GLB1: variants seen among roughly 807,000 people sequenced by gnomAD.
The protein encoded by GLB1 is beta-galactosidase.
GLB1 carries 56 observed loss-of-function variants against 74.0 expected under a neutral mutation model. That is an observed-to-expected ratio of 0.76 (90% CI 0.61 to 0.94). The LOEUF (loss-of-function observed/expected upper bound fraction) is 0.94. Among genes scored for constraint, GLB1 ranks in the 40% least tolerant of loss-of-function variants. The pLI is 0.00. For synonymous variants in GLB1, 323 were observed against 323.6 expected (o/e 1.00, Z 0.02); for missense variants, 787 against 845.5 (o/e 0.93, Z 0.86).
chr3:32,997,595 T>C (rs1354852191), intron 15 of GLB1, among the ~76,000 whole-genome samples: 1 of 152,080 alleles, frequency 6.6e-6, no homozygotes, highest in Non-Finnish European at 1.5e-5. Flanking sequence ...AAAGACCCAC[T>C]CCTGCTTCAG....
At chr3:33,015,312 C>T (rs1342715478) in intron 14 of GLB1, among the ~76,000 whole-genome samples, 2 of 152,192 alleles carry the variant, frequency 1.3e-5, no homozygotes, top group Non-Finnish European at 2.9e-5. Context: ...CCGAGTCACT[C>T]ACCTGTTATG....
intron 1 of GLB1, among the ~76,000 whole-genome samples, chr3:33,085,274 CAAAA>C (rs772490092): frequency 1.3e-5 from 1 of 74,126 alleles, no homozygotes; most frequent in Non-Finnish European, 2.7e-5. Context: ...GAGTCTGTTT[CAAAA>C]AAAAAAAAAA....
chr3:33,091,242 T>C (rs946967455), intron 1 of GLB1: 6 of 985,368 alleles, frequency 6.1e-6, no homozygotes, highest in Non-Finnish European at 7.2e-6. Flanking sequence ...TTAAACTGCA[T>C]GGTATGGCCC....
Position 33,096,746 on chromosome 3 carries a change from G to C in GLB1, c.75+265C>G. On this transcript the variant is annotated intron_variant, in intron 1 of 15. Transcript: ENST00000307363. Reference sequence around the variant, plus strand: ...CGTCTCAACACCTCGTTACAGATGGGGAAGTGGATCCAAGCGCAAAGGGCG... The same window carrying C: ...CGTCTCAACACCTCGTTACAGATGGCGAAGTGGATCCAAGCGCAAAGGGCG... The C allele has an allele frequency of 3.8e-6, 5 of 1,305,370 alleles. No individual in the cohort carries two copies. In the South Asian group the frequency reaches 1.0e-4, roughly 26 times the overall value. The allele number at this position is 1,305,370 out of a possible 1,614,324, so 80.9% of individuals were successfully genotyped here. A position where few individuals can be genotyped will look rare whatever the true frequency, so the allele number is the denominator to read the frequency against.
chr3:32,984,748 C>T, the GLB1 span, among the ~76,000 whole-genome samples: 21 of 152,116 alleles, frequency 1.4e-4, no homozygotes, highest in East Asian at 3.5e-3. Flanking sequence ...ACAGTGAAAT[C>T]CTGGCTAACA....
the GLB1 span, among the ~76,000 whole-genome samples, chr3:32,968,505 A>G: frequency 7.2e-5 from 11 of 152,210 alleles, no homozygotes; most frequent in Non-Finnish European, 1.6e-4. Flanking sequence ...ATAAGCCAAG[A>G]GAAAAGATGG....
At chr3:33,096,455 G>A in intron 1 of GLB1, 1 of 983,994 alleles carries the variant, frequency 1.0e-6, no homozygotes, top group South Asian at 4.7e-5. Context: ...CAAATACAAA[G>A]AAAAACCCAA....
chr3:33,092,479 C>G, intron 1 of GLB1: 1 of 1,040,302 alleles, frequency 9.6e-7, no homozygotes, highest in Non-Finnish European at 1.2e-6. Flanking sequence ...CCCCGCCCCA[C>G]CTTCTAGAGG....
chr3:32,983,618 C>T, the GLB1 span, among the ~76,000 whole-genome samples: 43,274 of 151,980 alleles, frequency 0.28, 7,552 homozygotes, highest in East Asian at 0.45. Flanking sequence ...TGCTTTGTTG[C>T]ATTGTGCCTT....
In GLB1 at chr3:33,028,419, T is replaced by C. The variant is rs28457681; in HGVS notation, c.1069-4094A>G. 9.5e-3 allele frequency among the ~76,000 whole-genome samples: 1,448 copies of C among 152,274 alleles called. 36 individuals are homozygous for C. Among genetic ancestry groups the C allele is most frequent in the African/African-American group, 0.033 (1,374 of 41,562 alleles). On this transcript the variant is annotated intron_variant, in intron 10 of 15. Coordinates refer to ENST00000307363, the MANE Select transcript of GLB1 (RefSeq NM_000404.4). ...GTACCTTTAAAATAATATCCTTATA[T>C]CTTTATTTATTAGTTCCATCAATTA...
At position 33,034,273 on chromosome 3, in the gene GLB1, A is replaced by G. The variant is rs533355138; in HGVS notation, c.1069-9948T>C. On this transcript the variant is annotated intron_variant, in intron 10 of 15. Coordinates refer to ENST00000307363, the MANE Select transcript of GLB1 (RefSeq NM_000404.4). Reference sequence around the variant, plus strand: ...TCTTCCTGCTGACTTATACAGGGGAAGGCCAATGGGAAGTGAAAAAGATCA... The same window carrying G: ...TCTTCCTGCTGACTTATACAGGGGAGGGCCAATGGGAAGTGAAAAAGATCA... The G allele has an allele frequency of 1.4e-4, 95 of 701,006 alleles. No individual in the cohort carries two copies. The Middle Eastern group carries it at 2.3e-3, about 17-fold the overall frequency. The allele number at this position is 701,006 out of a possible 1,614,324, so 43.4% of individuals were successfully genotyped here.
At chr3:33,013,546 T>C (rs1234832281) in intron 15 of GLB1, among the ~76,000 whole-genome samples, 1 of 152,106 alleles carries the variant, frequency 6.6e-6, no homozygotes, top group Non-Finnish European at 1.5e-5. Context: ...AAGGAAGATA[T>C]GCCAATGTCT....
intron 1 of GLB1, 26 bp downstream of exon 1, chr3:33,096,985 C>T (rs933376244): frequency 2.5e-6 from 4 of 1,609,496 alleles, no homozygotes; most frequent in Admixed American, 1.7e-5. Context: ...GCAATGCCTC[C>T]CCGTACCCGG....
chr3:33,091,274 T>C, intron 1 of GLB1: 3 of 985,470 alleles, frequency 3.0e-6, no homozygotes, highest in Non-Finnish European at 3.6e-6. Flanking sequence ...CGTGGCTGCC[T>C]GGGAACAAAA....
intron 11 of GLB1, among the ~76,000 whole-genome samples, chr3:33,022,543 A>G (rs999308646): frequency 4.0e-5 from 5 of 124,148 alleles, no homozygotes; most frequent in African/African-American, 8.5e-5. Context: ...AGGATTTTCC[A>G]TGACTATAAT....
At chr3:33,095,979 T>C (rs1027627148) in intron 1 of GLB1, among the ~76,000 whole-genome samples, 1 of 152,220 alleles carries the variant, frequency 6.6e-6, no homozygotes, top group Non-Finnish European at 1.5e-5. Context: ...CAGCAGCTGT[T>C]TTCCAAATAC....
At chr3:33,053,690 C>G in intron 6 of GLB1, 141 bp from the exon 7 acceptor site, 1 of 1,116,282 alleles carries the variant, frequency 9.0e-7, no homozygotes, top group Non-Finnish European at 1.3e-6. Flanking sequence ...CATGTTGGAA[C>G]TTAACACCCA....
chr3:32,990,843 G>A, the GLB1 span, among the ~76,000 whole-genome samples: 1 of 152,026 alleles, frequency 6.6e-6, no homozygotes, highest in African/African-American at 2.4e-5. Context: ...GCGTGGTGGC[G>A]GGTGCCTGTA....
At chr3:32,975,444 T>C in the GLB1 span, among the ~76,000 whole-genome samples, 2 of 152,008 alleles carry the variant, frequency 1.3e-5, no homozygotes, top group African/African-American at 2.4e-5. Flanking sequence ...AACAAATAGT[T>C]CTCTGGGGAA....
Sources: allele counts gnomAD v4.1 joint callset (sites outside exome capture counted in the v4.1 genomes callset), GRCh38; gene constraint gnomAD v4.1.1; transcripts MANE v1.5; gene names NCBI Gene and HGNC (gene_info 2026-07-23, HGNC 2026-07-21).